Variants in CDH18 observed in about 807,000 individuals in gnomAD.
CDH18 encodes cadherin-18.
CDH18 carries 31 observed loss-of-function variants against 67.9 expected under a neutral mutation model. The observed-to-expected ratio is 0.46, with a 90% CI of 0.34 to 0.62. The LOEUF (loss-of-function observed/expected upper bound fraction) is 0.62. CDH18 is among the 20% of genes least tolerant of loss of function. The pLI, the probability that CDH18 is intolerant of heterozygous loss-of-function variation, is 0.01. For synonymous variants in CDH18, 362 were observed against 347.2 expected (o/e 1.04, Z -0.48); for missense variants, 890 against 975.5 (o/e 0.91, Z 1.17).
chr5:19,879,966 T>C (rs534319702), intron 2 of CDH18, among the ~76,000 whole-genome samples: 2 of 152,142 alleles, frequency 1.3e-5, no homozygotes, highest in African/African-American at 4.8e-5. Flanking sequence ...AGGCAAATTA[T>C]AGAAAACTAT....
chr5:19,578,892 T>C (rs1742761099), intron 7 of CDH18, among the ~76,000 whole-genome samples: 1 of 152,030 alleles, frequency 6.6e-6, no homozygotes, highest in African/African-American at 2.4e-5. Flanking sequence ...ATTTGTTTTC[T>C]GATGTTTTTC....
At chr5:20,567,389 G>A (rs183898540) in intron 1 of CDH18, among the ~76,000 whole-genome samples, 3 of 151,798 alleles carry the variant, frequency 2.0e-5, no homozygotes, top group African/African-American at 7.2e-5. Flanking sequence ...TTTTCTCAAT[G>A]ACAGCTACTT....
chr5:20,210,722 TTTG>T (rs1740288305), intron 2 of CDH18, among the ~76,000 whole-genome samples: 1 of 152,006 alleles, frequency 6.6e-6, no homozygotes, highest in African/African-American at 2.4e-5. Context: ...AATGATTAAT[TTTG>T]TTATTAAAAT....
At chr5:19,668,063 A>C (rs1211688672) in intron 5 of CDH18, among the ~76,000 whole-genome samples, 1 of 152,086 alleles carries the variant, frequency 6.6e-6, no homozygotes, top group East Asian at 1.9e-4. Flanking sequence ...GTCAGTATAC[A>C]TATTTACGTG....
At chr5:20,514,419 A>G (rs933776541) in intron 1 of CDH18, among the ~76,000 whole-genome samples, 5 of 152,074 alleles carry the variant, frequency 3.3e-5, no homozygotes, top group African/African-American at 1.2e-4. Flanking sequence ...TATCATACCA[A>G]TGTCAAGCTT....
At chr5:20,361,265 T>C (rs1320112598) in intron 1 of CDH18, among the ~76,000 whole-genome samples, 3 of 151,950 alleles carry the variant, frequency 2.0e-5, no homozygotes, top group Non-Finnish European at 4.4e-5. Flanking sequence ...TAATATAACA[T>C]AGAAGATATT....
chr5:19,945,928 A>C (rs1795240559), intron 2 of CDH18, among the ~76,000 whole-genome samples: 1 of 152,258 alleles, frequency 6.6e-6, no homozygotes, highest in Middle Eastern at 3.4e-3. Flanking sequence ...AATAAGGAGA[A>C]AGAATATGAA....
intron 12 of CDH18, among the ~76,000 whole-genome samples, chr5:19,475,476 A>G (rs889099943): frequency 6.6e-6 from 1 of 151,438 alleles, no homozygotes; most frequent in Non-Finnish European, 1.5e-5. Context: ...TTGCTTTCAC[A>G]TCCTTGTTAA....
At chr5:19,960,745 G>A (rs1180449316) in intron 2 of CDH18, among the ~76,000 whole-genome samples, 1 of 130,394 alleles carries the variant, frequency 7.7e-6, no homozygotes, top group Non-Finnish European at 1.5e-5. Context: ...ACGTATACAC[G>A]TGTATATATA....
At chr5:19,758,310 C>G (rs1442675116) in intron 3 of CDH18, among the ~76,000 whole-genome samples, 2 of 152,188 alleles carry the variant, frequency 1.3e-5, no homozygotes, top group Non-Finnish European at 2.9e-5. Flanking sequence ...AGTCCAGTAA[C>G]AGGCCAAGAG....
At chr5:20,414,660 T>C (rs1747124706) in intron 1 of CDH18, among the ~76,000 whole-genome samples, 1 of 151,986 alleles carries the variant, frequency 6.6e-6, no homozygotes, top group African/African-American at 2.4e-5. Context: ...GATTGAAAAA[T>C]GAACAAAATA....
chr5:20,301,980 C>T (rs10060088), intron 1 of CDH18, among the ~76,000 whole-genome samples: 12,552 of 151,650 alleles, frequency 0.083, 1,044 homozygotes, highest in African/African-American at 0.22. Flanking sequence ...ATGAAGATGG[C>T]ATAACAAATT....
intron 2 of CDH18, among the ~76,000 whole-genome samples, chr5:19,901,835 T>G (rs1206108945): frequency 1.3e-5 from 2 of 151,864 alleles, no homozygotes; most frequent in Non-Finnish European, 2.9e-5. Flanking sequence ...ACTTATGATA[T>G]ATAATATATA....
chr5:20,550,591 A>G (rs1210001107), intron 1 of CDH18, among the ~76,000 whole-genome samples: 1 of 152,192 alleles, frequency 6.6e-6, no homozygotes, highest in Non-Finnish European at 1.5e-5. Context: ...CAGAGACTGA[A>G]GTTTTAGCCA....
At chr5:19,523,001 C>T (rs1173552749) in intron 9 of CDH18, among the ~76,000 whole-genome samples, 1 of 148,752 alleles carries the variant, frequency 6.7e-6, no homozygotes, top group Non-Finnish European at 1.5e-5. Flanking sequence ...AGAACAGAAA[C>T]ACAAAACAGA....
chr5:20,359,073 A>T (rs1458328707), intron 1 of CDH18, among the ~76,000 whole-genome samples: 1 of 151,790 alleles, frequency 6.6e-6, no homozygotes. Context: ...CTGGGATTAC[A>T]GGAGTGTGCC....
chr5:19,725,349 TTTCACTGGTACC>T (rs1394065883), intron 4 of CDH18, among the ~76,000 whole-genome samples: 2 of 152,232 alleles, frequency 1.3e-5, no homozygotes, highest in Non-Finnish European at 2.9e-5. Flanking sequence ...TTGAAGACAT[TTTCACTGGTACC>T]TCACTGAAAA....
intron 1 of CDH18, among the ~76,000 whole-genome samples, chr5:20,551,839 T>C (rs1165529681): frequency 6.6e-6 from 1 of 151,552 alleles, no homozygotes; most frequent in Non-Finnish European, 1.5e-5. Context: ...TGGAGTTAAA[T>C]GAGAGTTCTT....
chr5:19,973,414 C>T (rs964064166), intron 2 of CDH18, among the ~76,000 whole-genome samples: 3 of 152,062 alleles, frequency 2.0e-5, no homozygotes, highest in Non-Finnish European at 2.9e-5. Flanking sequence ...GTACGATGTA[C>T]TTCAAATTTA....
Sources: gnomAD v4.1 joint callset for allele counts (sites outside exome capture counted in the v4.1 genomes callset) on GRCh38, gnomAD v4.1.1 for gene constraint, MANE v1.5 for transcripts, NCBI Gene and HGNC (gene_info 2026-07-23, HGNC 2026-07-21) for gene names.